The following CDC42SE2 variants were observed in gnomAD, a reference collection of about 807,000 sequenced individuals.
The protein encoded by CDC42SE2 is CDC42 small effector 2.
Under a neutral mutation model 11.5 loss-of-function variants are expected in CDC42SE2, and 3 were observed. That is an observed-to-expected ratio of 0.26 (90% CI 0.12 to 0.67). The LOEUF is 0.67. Ranked by LOEUF, CDC42SE2 falls within the 30% of genes least tolerant of loss-of-function variation. The probability of loss-of-function intolerance (pLI) is 0.80; values close to 1 mark genes in which losing one functional copy is unlikely to be tolerated. For missense variants in CDC42SE2, 82 were observed against 106.8 expected, an observed-to-expected ratio of 0.77 and a Z score of 1.02; for synonymous variants, 33 against 34.8, an observed-to-expected ratio of 0.95 and a Z score of 0.18.
upstream of CDC42SE2, among the ~76,000 whole-genome samples, chr5:131,242,077 A>T (rs1212443279): frequency 6.6e-6 from 1 of 152,212 alleles, no homozygotes; most frequent in Non-Finnish European, 1.5e-5. Flanking sequence ...ATCTTATCAG[A>T]TATCTGAATT....
At chr5:131,305,464 T>A (rs182770331) in intron 1 of CDC42SE2, among the ~76,000 whole-genome samples, 2 of 152,312 alleles carry the variant, frequency 1.3e-5, no homozygotes, top group Admixed American at 1.3e-4. Flanking sequence ...GTTCCTCCTT[T>A]GCCTTATTTG....
At chr5:131,278,946 G>A (rs567833900) in intron 1 of CDC42SE2, among the ~76,000 whole-genome samples, 4 of 149,250 alleles carry the variant, frequency 2.7e-5, no homozygotes, top group Non-Finnish European at 5.9e-5. Flanking sequence ...CACCACGCCC[G>A]ACTAATTTTT....
In CDC42SE2 at chr5:131,364,068, A is replaced by G. The variant is rs1029144479; in HGVS notation, c.54+4521A>G. 1.5e-4 allele frequency among the ~76,000 whole-genome samples: 23 copies of G among 152,304 alleles called. 3 individuals carry two copies. The highest frequency in any genetic ancestry group is 4.1e-4 in the South Asian group (2 of 4,830). ...ACAATAACACTCTGGTATTTCTACA[A>G]TGAGCCAGGTAGTGGTGAGATAACA... On this transcript the variant is annotated intron_variant, in intron 3 of 4. Transcript: ENST00000505065.
At chr5:131,304,862 C>T (rs957975277) in intron 1 of CDC42SE2, among the ~76,000 whole-genome samples, 4 of 152,032 alleles carry the variant, frequency 2.6e-5, no homozygotes, top group African/African-American at 7.2e-5. Context: ...AGGCTTGCTA[C>T]CAGTTATTAA....
intron 2 of CDC42SE2, among the ~76,000 whole-genome samples, chr5:131,326,668 A>T (rs1554097979): frequency 2.0e-5 from 3 of 152,052 alleles, no homozygotes; most frequent in Non-Finnish European, 2.9e-5. Context: ...TTTGATGTGG[A>T]TGTGTTCATG....
intron 1 of CDC42SE2, among the ~76,000 whole-genome samples, chr5:131,246,839 G>A (rs183101951): frequency 6.6e-6 from 1 of 151,340 alleles, no homozygotes. Flanking sequence ...TGCCTCCGGG[G>A]TTCAAGAGAT....
At chr5:131,287,830 A>G (rs1757372939) in intron 1 of CDC42SE2, among the ~76,000 whole-genome samples, 1 of 152,208 alleles carries the variant, frequency 6.6e-6, no homozygotes, top group Non-Finnish European at 1.5e-5. Context: ...TATTGCCAAT[A>G]GATGTAAAAG....
At chr5:131,319,931 G>A (rs900736914) in intron 2 of CDC42SE2, among the ~76,000 whole-genome samples, 2 of 150,750 alleles carry the variant, frequency 1.3e-5, no homozygotes, top group South Asian at 2.1e-4. Context: ...GGTGCCTGTA[G>A]TTCCAGCTAC....
chr5:131,387,475 TGGGA>T (rs1469779173), intron 4 of CDC42SE2, among the ~76,000 whole-genome samples: 5 of 152,068 alleles, frequency 3.3e-5, no homozygotes, highest in Admixed American at 2.0e-4. Flanking sequence ...TGCTTGAACC[TGGGA>T]GGGGGGAGGT....
intron 1 of CDC42SE2, among the ~76,000 whole-genome samples, chr5:131,264,474 G>A (rs1248678673): frequency 6.8e-6 from 1 of 146,350 alleles, no homozygotes; most frequent in Non-Finnish European, 1.5e-5. Flanking sequence ...ACCGCCTGAT[G>A]TAAAATGGAA....
At chr5:131,315,370 T>A (rs1758020099) in intron 1 of CDC42SE2, among the ~76,000 whole-genome samples, 1 of 152,200 alleles carries the variant, frequency 6.6e-6, no homozygotes, top group African/African-American at 2.4e-5. Context: ...AGAAACATGC[T>A]TGGCTGTGAC....
At chr5:131,343,726 AAG>A (rs561637752) in intron 2 of CDC42SE2, among the ~76,000 whole-genome samples, 4 of 151,698 alleles carry the variant, frequency 2.6e-5, no homozygotes, top group Admixed American at 1.3e-4. Flanking sequence ...AAAAAAAAAA[AAG>A]AGAGAGAGAG....
intron 1 of CDC42SE2, among the ~76,000 whole-genome samples, chr5:131,301,256 G>A (rs984855273): frequency 2.6e-5 from 4 of 152,076 alleles, no homozygotes; most frequent in Admixed American, 6.6e-5. Flanking sequence ...GGAGGAATAC[G>A]TTCTAGTGTT....
At chr5:131,321,750 G>C (rs1297422896) in intron 2 of CDC42SE2, among the ~76,000 whole-genome samples, 1 of 151,696 alleles carries the variant, frequency 6.6e-6, no homozygotes, top group Non-Finnish European at 1.5e-5. Flanking sequence ...CGTCGTACTG[G>C]GTAAAAGGAA....
chr5:131,349,037 C>G (rs1251625597), intron 2 of CDC42SE2, among the ~76,000 whole-genome samples: 1 of 152,070 alleles, frequency 6.6e-6, no homozygotes, highest in Non-Finnish European at 1.5e-5. Context: ...CATAAAAACC[C>G]TAGAAGAAAA....
intron 3 of CDC42SE2, among the ~76,000 whole-genome samples, chr5:131,365,117 C>T (rs529216017): frequency 6.6e-6 from 1 of 152,116 alleles, no homozygotes; most frequent in South Asian, 2.1e-4. Flanking sequence ...TGGTGAAACC[C>T]TGTCTCTACT....
rs554896729 is a variant in CDC42SE2, at chr5:131,393,094, A to ATGTT, written c.*2009_*2012dup. 2.3e-4 allele frequency: 35 copies of ATGTT among 152,490 alleles called. No homozygotes were observed. The highest frequency in any genetic ancestry group is 1.2e-3 in the Admixed American group (19 of 15,302). The allele number at this position is 152,490 out of a possible 1,614,324, so 9.4% of individuals were successfully genotyped here. On this transcript the variant is annotated 3_prime_UTR_variant, in exon 5 of 5. Coordinates refer to ENST00000505065, the MANE Select transcript of CDC42SE2 (RefSeq NM_001375635.1). ...GTCAGTGGTTTGTGTTCTCATTAAAATGTTTGTTTAAATCCTATGTCCAAT... is the reference window on the plus strand; with the variant it reads ...GTCAGTGGTTTGTGTTCTCATTAAAATGTTTGTTTGTTTAAATCCTATGTCCAAT...
chr5:131,299,486 G>A (rs907936394), intron 1 of CDC42SE2, among the ~76,000 whole-genome samples: 5 of 152,240 alleles, frequency 3.3e-5, no homozygotes, highest in South Asian at 2.1e-4. Context: ...TTCTGGCTTC[G>A]TAAACTGGGT....
rs899285400 is a variant in CDC42SE2 at position 131,384,051 on chromosome 5, T to C, written c.55-1492T>C. 8.5e-5 allele frequency among the ~76,000 whole-genome samples: 13 copies of C among 152,304 alleles called. 1 individual carries two copies. In the South Asian group the frequency reaches 1.7e-3, roughly 19 times the overall value. ...CAAGGAACTAACAGAATAAAACTTT[T>C]CTAAGATACAGAAAACCTGTGTTCA... On this transcript the variant is annotated intron_variant, in intron 3 of 4. Coordinates refer to ENST00000505065, the MANE Select transcript of CDC42SE2 (RefSeq NM_001375635.1).
Sources: gnomAD v4.1 joint callset for allele counts (sites outside exome capture counted in the v4.1 genomes callset) on GRCh38, gnomAD v4.1.1 for gene constraint, MANE v1.5 for transcripts, NCBI Gene and HGNC (gene_info 2026-07-23, HGNC 2026-07-21) for gene names.